FHIT: variants seen among roughly 807,000 people sequenced by gnomAD.
FHIT encodes fragile histidine triad diadenosine triphosphatase.
In FHIT, 19 loss-of-function variants were observed where a neutral mutation model predicts 17.9. The observed-to-expected ratio is 1.06, with a 90% confidence interval of 0.74 to 1.56. FHIT has a LOEUF of 1.56. Ranked by LOEUF, FHIT falls within the 40% of genes most tolerant of loss-of-function variation. FHIT has a pLI of 0.00. For missense variants in FHIT, 248 were observed against 189.2 expected, an observed-to-expected ratio of 1.31 and a Z score of -1.82; for synonymous variants, 81 against 69.7, an observed-to-expected ratio of 1.16 and a Z score of -0.81.
chr3:60,817,381 T>C (rs1442245824), intron 4 of FHIT, among the ~76,000 whole-genome samples: 1 of 152,104 alleles, frequency 6.6e-6, no homozygotes, highest in African/African-American at 2.4e-5. Flanking sequence ...GCCTGAACAA[T>C]CTTTCCTTTA....
At chr3:60,130,510 C>T (rs927392493) in intron 5 of FHIT, among the ~76,000 whole-genome samples, 18 of 152,000 alleles carry the variant, frequency 1.2e-4, no homozygotes, top group Admixed American at 6.6e-5. Flanking sequence ...GGAACTCAGA[C>T]GGCATGACTC....
intron 4 of FHIT, among the ~76,000 whole-genome samples, chr3:60,543,099 A>C (rs903928610): frequency 2.6e-5 from 4 of 151,926 alleles, no homozygotes; most frequent in Non-Finnish European, 2.9e-5. Context: ...ACATTTTTGC[A>C]CATTTTTTTT....
chr3:60,147,973 C>G (rs1034236870), intron 5 of FHIT, among the ~76,000 whole-genome samples: 3 of 152,140 alleles, frequency 2.0e-5, no homozygotes, highest in Non-Finnish European at 4.4e-5. Flanking sequence ...GTTATTTTCA[C>G]TGGTGAAGGG....
chr3:60,817,354 T>C (rs1474355433), intron 4 of FHIT, among the ~76,000 whole-genome samples: 5 of 152,106 alleles, frequency 3.3e-5, no homozygotes, highest in African/African-American at 1.2e-4. Context: ...TTCCATCTGG[T>C]GTTATCTCAC....
intron 5 of FHIT, among the ~76,000 whole-genome samples, chr3:60,394,556 G>T (rs572032198): frequency 1.4e-4 from 21 of 152,108 alleles, no homozygotes; most frequent in Non-Finnish European, 2.5e-4. Context: ...AAGGACACAG[G>T]TACCTGCCTG....
intron 8 of FHIT, among the ~76,000 whole-genome samples, chr3:59,795,116 T>C (rs1486324471): frequency 1.4e-4 from 22 of 152,200 alleles, no homozygotes; most frequent in Non-Finnish European, 8.8e-5. Context: ...TACTGGCCAG[T>C]GGCTCATGCC....
chr3:60,913,033 C>T (rs1706823393), intron 3 of FHIT, among the ~76,000 whole-genome samples: 1 of 152,182 alleles, frequency 6.6e-6, no homozygotes, highest in Admixed American at 6.5e-5. Flanking sequence ...AGTGCAGAGC[C>T]TGTTTCACAA....
intron 5 of FHIT, among the ~76,000 whole-genome samples, chr3:60,384,284 T>C (rs1384075500): frequency 7.0e-6 from 1 of 143,052 alleles, no homozygotes; most frequent in Non-Finnish European, 1.5e-5. Flanking sequence ...AAAAAAAAAA[T>C]TGGAGATAAT....
chr3:60,260,600 G>A (rs888579966), intron 5 of FHIT, among the ~76,000 whole-genome samples: 2 of 151,932 alleles, frequency 1.3e-5, no homozygotes, highest in Non-Finnish European at 2.9e-5. Flanking sequence ...AATATATTAT[G>A]CTATTTTTTT....
intron 8 of FHIT, among the ~76,000 whole-genome samples, chr3:59,898,456 G>C (rs573254598): frequency 1.1e-4 from 16 of 145,750 alleles, no homozygotes; most frequent in African/African-American, 3.6e-4. Context: ...GTGTGTGTGT[G>C]TGTGTGTGTG....
chr3:59,889,526 A>T (rs1703762688), intron 8 of FHIT, among the ~76,000 whole-genome samples: 1 of 152,244 alleles, frequency 6.6e-6, no homozygotes, highest in South Asian at 2.1e-4. Context: ...CTAGGCAACC[A>T]TGGCCAAGTG....
intron 2 of FHIT, among the ~76,000 whole-genome samples, chr3:61,155,325 A>T (rs146452326): frequency 3.0e-4 from 46 of 152,284 alleles, no homozygotes; most frequent in Non-Finnish European, 5.4e-4. Context: ...AAAAAAACAG[A>T]TGCTAAATAA....
rs142753843 is a variant in FHIT at position 60,431,331 on chromosome 3, A to G, written c.103+105529T>C. 3.6e-4 allele frequency among the ~76,000 whole-genome samples: 55 copies of G among 152,108 alleles called. No homozygotes were observed. The East Asian group carries it at 0.01, about 29-fold the overall frequency. ...ATGATTTAGTATTTAAGTTTTCTTT[A>G]CAAACTGGATAACAATTAACAATTT... On this transcript the variant is annotated intron_variant, in intron 5 of 9. Coordinates refer to ENST00000492590, the MANE Select transcript of FHIT (RefSeq NM_002012.4).
chr3:61,116,492 G>A (rs1232627823), intron 2 of FHIT, among the ~76,000 whole-genome samples: 1 of 152,034 alleles, frequency 6.6e-6, no homozygotes, highest in Non-Finnish European at 1.5e-5. Flanking sequence ...CCTTAGAGCA[G>A]AAGACTAGAG....
intron 2 of FHIT, among the ~76,000 whole-genome samples, chr3:61,073,829 T>C (rs2034886348): frequency 6.6e-6 from 1 of 152,196 alleles, no homozygotes; most frequent in Non-Finnish European, 1.5e-5. Flanking sequence ...CAGAGGCAGC[T>C]ATAAGGACAC....
At chr3:60,003,580 A>G (rs1309574272) in intron 7 of FHIT, among the ~76,000 whole-genome samples, 1 of 152,114 alleles carries the variant, frequency 6.6e-6, no homozygotes, top group Non-Finnish European at 1.5e-5. Flanking sequence ...CCTCATCTCT[A>G]TTAAAAATAC....
intron 4 of FHIT, among the ~76,000 whole-genome samples, chr3:60,647,794 C>G (rs1212917227): frequency 4.6e-5 from 7 of 151,950 alleles, no homozygotes; most frequent in Non-Finnish European, 4.4e-5. Context: ...AGAATACATA[C>G]AATGCAGAAA....
intron 5 of FHIT, among the ~76,000 whole-genome samples, chr3:60,409,931 G>A (rs1702003014): frequency 6.6e-6 from 1 of 151,986 alleles, no homozygotes; most frequent in South Asian, 2.1e-4. Flanking sequence ...AAGCTTATAG[G>A]GTATTATAGA....
At chr3:61,051,450 A>G (rs915528869) in intron 2 of FHIT, among the ~76,000 whole-genome samples, 1 of 152,142 alleles carries the variant, frequency 6.6e-6, no homozygotes, top group East Asian at 1.9e-4. Context: ...AGGCTTCACC[A>G]TGTTGCCCAG....
Sources: gnomAD v4.1 joint callset for allele counts (sites outside exome capture counted in the v4.1 genomes callset) on GRCh38, gnomAD v4.1.1 for gene constraint, MANE v1.5 for transcripts, NCBI Gene and HGNC (gene_info 2026-07-23, HGNC 2026-07-21) for gene names.